The following CAPN3 variants were observed in gnomAD, a reference collection of about 807,000 sequenced individuals.
The protein encoded by CAPN3 is calpain-3.
In CAPN3, 88 loss-of-function variants were observed where a neutral mutation model predicts 114.0. The ratio of observed to expected loss-of-function variants is 0.77; its 90% CI spans 0.65 to 0.92. CAPN3 has a LOEUF of 0.92. CAPN3 is among the 40% of genes least tolerant of loss of function. The probability of loss-of-function intolerance (pLI) is 0.00; values close to 1 mark genes in which losing one functional copy is unlikely to be tolerated. For missense variants in CAPN3, 1,028 were observed against 1,069.0 expected (o/e 0.96, Z 0.53); for synonymous variants, 386 against 382.9 (o/e 1.01, Z -0.09).
At chr15:42,403,088 G>T in intron 13 of CAPN3, 86 bp downstream of exon 13, 1 of 1,081,518 alleles carries the variant, frequency 9.2e-7, no homozygotes, top group Non-Finnish European at 1.4e-6. Context: ...AGCTAGACAC[G>T]TCTCCTCCAG....
chr15:42,364,645 A>G (rs1464147634), intron 1 of CAPN3, among the ~76,000 whole-genome samples: 1 of 152,208 alleles, frequency 6.6e-6, no homozygotes, highest in Non-Finnish European at 1.5e-5. Context: ...CAAATATAAA[A>G]TGTACATTTG....
At chr15:42,410,040 C>A in intron 19 of CAPN3, 45 bp downstream of exon 19, 1 of 1,580,198 alleles carries the variant, frequency 6.3e-7, no homozygotes, top group Non-Finnish European at 8.7e-7. Flanking sequence ...CATCAGCCCA[C>A]GGGGGCCAAG....
intron 2 of CAPN3, chr15:42,385,531 CAG>C (rs751078121): frequency 0.13 from 39,738 of 299,552 alleles, 1 homozygote; most frequent in South Asian, 0.2. Context: ...TATACACACA[CAG>C]AGAGAGAGAG....
chr15:42,410,860 C>T (rs537992894), intron 21 of CAPN3, 24 bp from the exon 22 acceptor site: 5 of 1,583,636 alleles, frequency 3.2e-6, no homozygotes, highest in East Asian at 2.2e-5. Context: ...TCCACGTCCA[C>T]CTCTAACATG....
intron 1 of CAPN3, among the ~76,000 whole-genome samples, chr15:42,370,852 G>A (rs1595804352): frequency 6.6e-6 from 1 of 152,142 alleles, no homozygotes; most frequent in Non-Finnish European, 1.5e-5. Context: ...CAAAGGGTAG[G>A]AGCATAACAC....
chr15:42,370,559 A>G (rs1177789625), intron 1 of CAPN3, among the ~76,000 whole-genome samples: 2 of 152,136 alleles, frequency 1.3e-5, no homozygotes, highest in Admixed American at 6.5e-5. Context: ...ACCTTCTGTC[A>G]GACAGTTTAC....
intron 6 of CAPN3, among the ~76,000 whole-genome samples, chr15:42,392,349 A>G (rs1349623905): frequency 2.6e-5 from 4 of 152,062 alleles, no homozygotes; most frequent in Non-Finnish European, 5.9e-5. Flanking sequence ...TAAGGGGTCC[A>G]GAAAGGAGGG....
intron 1 of CAPN3, among the ~76,000 whole-genome samples, chr15:42,373,953 C>T (rs4486855): frequency 0.053 from 7,994 of 152,232 alleles, 649 homozygotes; most frequent in African/African-American, 0.17. Context: ...AAGTAAGCCT[C>T]TCTGTAACTA....
In CAPN3 at chr15:42,411,943, G is replaced by T. The variant is rs886051149; in HGVS notation, c.*170G>T. ...TTTTACCCCCTACCCATCCTTGATC[G>T]GTCATGCCTAGCCTGACCCTTTAGT... On this transcript the variant is annotated 3_prime_UTR_variant, in exon 24 of 24. Transcript: ENST00000397163. 65 of 1,538,470 alleles carry T rather than the reference G, an allele frequency of 4.2e-5. No homozygotes were observed. The highest frequency in any genetic ancestry group is 5.3e-5 in the Non-Finnish European group (60 of 1,140,656).
At chr15:42,361,019 C>T (rs1386094693) in intron 1 of CAPN3, among the ~76,000 whole-genome samples, 1 of 152,196 alleles carries the variant, frequency 6.6e-6, no homozygotes, top group Non-Finnish European at 1.5e-5. Flanking sequence ...GGAAGATGGG[C>T]ATTGAACAAG....
At chr15:42,374,424 A>G (rs1371368487) in intron 1 of CAPN3, 3 of 152,190 alleles carry the variant, frequency 2.0e-5, no homozygotes, top group Admixed American at 2.0e-4. Flanking sequence ...TCTGGCCCAG[A>G]AGTGCCTCTT....
chr15:42,367,313 G>A (rs2052814242), intron 1 of CAPN3, among the ~76,000 whole-genome samples: 1 of 152,206 alleles, frequency 6.6e-6, no homozygotes, highest in Admixed American at 6.5e-5. Flanking sequence ...CGGCTGAACT[G>A]TGGTGGGAGT....
intron 1 of CAPN3, among the ~76,000 whole-genome samples, chr15:42,380,444 G>A (rs1171824752): frequency 8.7e-6 from 1 of 115,154 alleles, no homozygotes; most frequent in Non-Finnish European, 1.6e-5. Context: ...GCAGTGGTAT[G>A]ATCTTGGCTC....
chr15:42,367,070 T>C (rs116381153), intron 1 of CAPN3, among the ~76,000 whole-genome samples: 7,980 of 152,156 alleles, frequency 0.052, 649 homozygotes, highest in African/African-American at 0.17. Context: ...CTGACCCCAG[T>C]GATCCACCGC....
chr15:42,387,970 G>A, intron 4 of CAPN3, 84 bp downstream of exon 4: 1 of 1,539,936 alleles, frequency 6.5e-7, no homozygotes, highest in Non-Finnish European at 9.0e-7. Flanking sequence ...CTCACAGGAA[G>A]AGGCATGTGC....
rs886042968 is a variant in CAPN3 at position 42,399,630 on chromosome 15, C to T, written c.1332C>T (p.Ala444=). 5.0e-6 allele frequency: 8 copies of T among 1,605,588 alleles called. No individual in the cohort carries two copies. Among genetic ancestry groups the T allele is most frequent in the African/African-American group, 2.7e-5 (2 of 74,788 alleles). ...GCCGCTGGGTACGGGGTTGCTCTGC[C>T]GGAGGCTGCCGCAACTTCCCAGGTG... The part of the protein sequence containing the change: ...NEGRWVRGCS[A]GGCRNFPDTF... Residue 444 remains alanine (A), a synonymous_variant, in exon 10 of 24, where the codon GCC becomes GCT. Coordinates refer to ENST00000397163, the MANE Select transcript of CAPN3 (RefSeq NM_000070.3).
chr15:42,392,360 G>T (rs921782418), intron 6 of CAPN3, among the ~76,000 whole-genome samples: 1 of 152,078 alleles, frequency 6.6e-6, no homozygotes, highest in Non-Finnish European at 1.5e-5. Flanking sequence ...GAAAGGAGGG[G>T]CAGGACACTG....
chr15:42,397,164 T>G (rs1264604960), intron 9 of CAPN3, among the ~76,000 whole-genome samples: 1 of 152,138 alleles, frequency 6.6e-6, no homozygotes, highest in African/African-American at 2.4e-5. Flanking sequence ...TTAGCACAAT[T>G]CTTTTCTGAG....
chr15:42,410,845 C>T (rs200715133), intron 21 of CAPN3, 39 bp from the exon 22 acceptor site: 9 of 1,535,578 alleles, frequency 5.9e-6, no homozygotes, highest in Admixed American at 1.7e-5. Context: ...CCCAAGGCCT[C>T]CAGCTCCACG....
Sources: allele counts gnomAD v4.1 joint callset (sites outside exome capture counted in the v4.1 genomes callset), GRCh38; gene constraint gnomAD v4.1.1; transcripts MANE v1.5; gene names NCBI Gene and HGNC (gene_info 2026-07-23, HGNC 2026-07-21).